Variants in CHSY1 observed in about 807,000 individuals in gnomAD.
CHSY1 encodes N-acetylgalactosaminyl-proteoglycan 3-beta-glucuronosyltransferase 1.
A neutral mutation model predicts 59.8 loss-of-function variants in CHSY1; 13 were observed. The observed-to-expected ratio is 0.22, with a 90% CI of 0.14 to 0.35. The LOEUF is 0.35. Among genes scored for constraint, CHSY1 ranks in the 10% least tolerant of loss-of-function variants. CHSY1 has a pLI of 1.00. For missense variants in CHSY1, 947 were observed against 1,030.6 expected (o/e 0.92, Z 1.11); for synonymous variants, 459 against 401.2 (o/e 1.14, Z -1.72).
intron 2 of CHSY1, among the ~76,000 whole-genome samples, chr15:101,191,401 G>T (rs1186310398): frequency 6.6e-6 from 1 of 152,214 alleles, no homozygotes; most frequent in Non-Finnish European, 1.5e-5. Flanking sequence ...AAGATGAGTG[G>T]TTGCCAGGGG....
intron 2 of CHSY1, among the ~76,000 whole-genome samples, chr15:101,179,321 C>T (rs999439124): frequency 2.6e-5 from 4 of 152,228 alleles, no homozygotes. Context: ...CCCACTACGC[C>T]TGTGAAAGGG....
At chr15:101,185,562 C>T (rs2038349109) in intron 2 of CHSY1, among the ~76,000 whole-genome samples, 1 of 152,008 alleles carries the variant, frequency 6.6e-6, no homozygotes, top group Admixed American at 6.5e-5. Flanking sequence ...CATCCCCCTT[C>T]CCCGCCTTCC....
intron 1 of CHSY1, among the ~76,000 whole-genome samples, chr15:101,246,863 T>G (rs1312861390): frequency 7.5e-6 from 1 of 133,516 alleles, no homozygotes; most frequent in Non-Finnish European, 1.5e-5. Flanking sequence ...TCACAGAACA[T>G]AACTAAAAAG....
intron 2 of CHSY1, among the ~76,000 whole-genome samples, chr15:101,185,485 T>C (rs1288068767): frequency 4.3e-5 from 6 of 140,232 alleles, no homozygotes; most frequent in African/African-American, 1.6e-4. Flanking sequence ...CCTCCTTCCC[T>C]GTGAACGCCC....
chr15:101,226,503 T>C (rs1183113862), intron 2 of CHSY1, among the ~76,000 whole-genome samples: 1 of 152,192 alleles, frequency 6.6e-6, no homozygotes, highest in East Asian at 1.9e-4. Context: ...GTCAGGCCTA[T>C]TTGTGCCCAA....
chr15:101,184,032 G>A (rs1205826852), intron 2 of CHSY1, among the ~76,000 whole-genome samples: 1 of 152,130 alleles, frequency 6.6e-6, no homozygotes, highest in Non-Finnish European at 1.5e-5. Context: ...TTACTCCCTA[G>A]ACCAAATGTG....
intron 2 of CHSY1, chr15:101,187,692 A>C (rs1475221178): frequency 6.6e-6 from 1 of 152,268 alleles, no homozygotes; most frequent in Non-Finnish European, 1.5e-5. Context: ...TCACAAGAGT[A>C]TTCCTTGCTT....
Position 101,177,609 on chromosome 15 carries a change from C to T in CHSY1, c.2188G>A (p.Ala730Thr). ...TGGCTCCTAAACGTCTTCAAACCTG[C>T]CTGGACAACCTTGTTGAAAAGGTCC... The part of the protein sequence containing the change: ...DVDLFNKVVQ[A>T]GLKTFRSQEV... The change falls in exon 3 of 3, where the codon GCA (alanine) becomes ACA (threonine). Residue 730 changes from alanine to threonine, a missense_variant. By Grantham distance (58) the Ala-to-Thr change is moderately conservative. Coordinates refer to ENST00000254190, the MANE Select transcript of CHSY1 (RefSeq NM_014918.5). The T allele has an allele frequency of 1.2e-6, 2 of 1,614,188 alleles. No individual in the cohort carries two copies. The highest frequency in any genetic ancestry group is 8.5e-7 in the Non-Finnish European group (1 of 1,180,048).
rs77342673 is a variant in CHSY1, at chr15:101,244,663, C to T, written c.320+6474G>A. Reference sequence around the variant, plus strand: ...TGTTTCCTTTTCTATGCTACACAAACATACACTTTTGTTTTACTTTAAACA... The same window carrying T: ...TGTTTCCTTTTCTATGCTACACAAATATACACTTTTGTTTTACTTTAAACA... On this transcript the variant is annotated intron_variant, in intron 1 of 2. Coordinates refer to ENST00000254190, the MANE Select transcript of CHSY1 (RefSeq NM_014918.5). Among the ~76,000 whole-genome samples, 997 of 152,324 alleles carry T rather than the reference C, an allele frequency of 6.5e-3. 18 individuals carry two copies. In the East Asian group the frequency reaches 0.068, roughly 10 times the overall value.
rs1220497432 is a variant in CHSY1 at position 101,214,426 on chromosome 15, C to A, written c.816+20656G>T. Among the ~76,000 whole-genome samples the A allele has an allele frequency of 2.0e-5, 3 of 152,212 alleles. No individual in the cohort carries two copies. The East Asian group carries it at 5.8e-4, about 29-fold the overall frequency. On this transcript the variant is annotated intron_variant, in intron 2 of 2. Transcript: ENST00000254190. ...ACATGGACTAAAGTAAGATCTGCATCAACGTCACTGCACAAGTTGTGTCTG... is the reference window on the plus strand; with the variant it reads ...ACATGGACTAAAGTAAGATCTGCATAAACGTCACTGCACAAGTTGTGTCTG...
rs2038239738 is a variant in CHSY1, at chr15:101,179,060, T to C, written c.817-80A>G. On this transcript the variant is annotated intron_variant, in intron 2 of 2. Transcript: ENST00000254190. ...GCACATGCTAAAGAAAATGCAAATA[T>C]TAGAAATGTTTCTGAATGGACCACA... 4 of 1,390,334 alleles carry C rather than the reference T, an allele frequency of 2.9e-6. No homozygotes were observed. The South Asian group carries it at 3.5e-5, about 12-fold the overall frequency. 86.1% of individuals were successfully genotyped at this position (1,390,334 alleles called of 1,614,324 possible).
intron 2 of CHSY1, among the ~76,000 whole-genome samples, chr15:101,224,703 C>T (rs1344318265): frequency 1.3e-5 from 2 of 152,188 alleles, no homozygotes; most frequent in Admixed American, 6.5e-5. Context: ...AATGCTAATA[C>T]TTCACGTCCA....
At chr15:101,241,385 G>A (rs1007925556) in intron 1 of CHSY1, among the ~76,000 whole-genome samples, 3 of 152,224 alleles carry the variant, frequency 2.0e-5, no homozygotes, top group Non-Finnish European at 2.9e-5. Flanking sequence ...CATTGCGCCC[G>A]GCCAATAGTC....
chr15:101,178,730 A>G lies in CHSY1; in HGVS notation c.1067T>C (p.Leu356Pro). The G allele has an allele frequency of 1.9e-6, 3 of 1,614,242 alleles. No homozygotes were observed. Among genetic ancestry groups the G allele is most frequent in the Non-Finnish European group, 2.5e-6 (3 of 1,180,046 alleles). The change falls in exon 3 of 3, where the codon CTG becomes CCG. Residue 356 changes from leucine to proline, a missense_variant. Leu to Pro is a moderately conservative substitution (Grantham distance 98). Transcript: ENST00000254190. ...CCTCATGAAGGAGGGAGGGATTCCC[A>G]GCTGGAGGTCCTCTTTATGAATTTC... ...NTEIHKEDLQ[L>P]GIPPSFMRFQ... is the part of the protein sequence containing the mutation.
Position 101,235,103 on chromosome 15 carries a change from C to T in CHSY1, c.795G>A (p.Val265=), listed in dbSNP as rs1173016708. The T allele has an allele frequency of 6.2e-7, 1 of 1,614,006 alleles. No individual in the cohort carries two copies. The highest frequency in any genetic ancestry group is 1.1e-5 in the South Asian group (1 of 91,082). ...VGRCVRRFAG[V]QCVWSYEMQQ... is the part of the protein sequence containing the mutation. ...TTACCTCATAAGACCAGACACACTG[C>T]ACCCCTGCAAACCTCCGGACACACC... Residue 265 remains valine, a synonymous_variant, in exon 2 of 3, where the codon GTG becomes GTA. Transcript: ENST00000254190.
At chr15:101,246,524 T>C (rs1288375765) in intron 1 of CHSY1, among the ~76,000 whole-genome samples, 1 of 152,150 alleles carries the variant, frequency 6.6e-6, no homozygotes, top group African/African-American at 2.4e-5. Flanking sequence ...ATAATTTCAA[T>C]GGGTGGTACT....
chr15:101,245,945 T>C (rs929393094), intron 1 of CHSY1, among the ~76,000 whole-genome samples: 1 of 152,240 alleles, frequency 6.6e-6, no homozygotes, highest in Non-Finnish European at 1.5e-5. Context: ...TGTTTCAAGA[T>C]AAACATGGTT....
Position 101,223,005 on chromosome 15 carries a change from C to T in CHSY1, c.816+12077G>A, listed in dbSNP as rs531417660. Among the ~76,000 whole-genome samples the T allele has an allele frequency of 9.8e-5, 15 of 152,308 alleles. 1 individual carries two copies. The highest frequency in any genetic ancestry group is 3.6e-4 in the African/African-American group (15 of 41,572). The stretch of plus-strand genomic sequence containing the variant: ...TGACTAACAAATACTTTGTTAACTA[C>T]TTTATTTGAGACAGAGTTTTGCTCT... On this transcript the variant is annotated intron_variant, in intron 2 of 2. Transcript: ENST00000254190.
At chr15:101,200,770 C>T (rs2038565445) in intron 2 of CHSY1, among the ~76,000 whole-genome samples, 1 of 152,174 alleles carries the variant, frequency 6.6e-6, no homozygotes, top group Non-Finnish European at 1.5e-5. Context: ...TTGCTCTGAA[C>T]CTGTCGGGGT....
Sources: gnomAD v4.1 joint callset for allele counts (sites outside exome capture counted in the v4.1 genomes callset) on GRCh38, gnomAD v4.1.1 for gene constraint, MANE v1.5 for transcripts, NCBI Gene and HGNC (gene_info 2026-07-23, HGNC 2026-07-21) for gene names.